The following RPH3A variants were observed in gnomAD, a reference collection of about 807,000 sequenced individuals.
RPH3A encodes the protein rabphilin-3A.
Under a neutral mutation model 102.2 loss-of-function variants are expected in RPH3A, and 48 were observed. The observed-to-expected ratio is 0.47, with a 90% CI of 0.37 to 0.60. The LOEUF (loss-of-function observed/expected upper bound fraction) is 0.60. Among genes scored for constraint, RPH3A ranks in the 20% least tolerant of loss-of-function variants. The pLI is 0.00. For missense variants in RPH3A, 781 were observed against 910.1 expected (o/e 0.86, Z 1.83); for synonymous variants, 310 against 324.3 (o/e 0.96, Z 0.47).
At chr12:112,794,192 C>T (rs1267198972) in intron 2 of RPH3A, among the ~76,000 whole-genome samples, 1 of 152,160 alleles carries the variant, frequency 6.6e-6, no homozygotes, top group Non-Finnish European at 1.5e-5. Context: ...GGTCAGGAGA[C>T]CTGGGTTCCA....
At chr12:112,796,103 G>A (rs2136094396) in intron 2 of RPH3A, among the ~76,000 whole-genome samples, 1 of 152,270 alleles carries the variant, frequency 6.6e-6, no homozygotes, top group Non-Finnish European at 1.5e-5. Context: ...TCTGTGAAAT[G>A]GGCAAAATGA....
chr12:112,875,261 C>A (rs1482196595), intron 11 of RPH3A, 91 bp downstream of exon 11: 3 of 1,000,444 alleles, frequency 3.0e-6, no homozygotes, highest in African/African-American at 3.3e-5. Flanking sequence ...GCATGCTGGG[C>A]TTTCTGCAAA....
chr12:112,831,362 T>C (rs2136158592), intron 3 of RPH3A, among the ~76,000 whole-genome samples: 1 of 152,246 alleles, frequency 6.6e-6, no homozygotes, highest in African/African-American at 2.4e-5. Flanking sequence ...ATCCTTAAAG[T>C]GTTACTATTC....
In RPH3A at chr12:112,663,544, A is replaced by G. The variant is rs530164597; in HGVS notation, c.-140+88225A>G. On this transcript the variant is annotated intron_variant, in intron 1 of 21. Coordinates refer to the RPH3A transcript ENST00000543106. Reference sequence around the variant, plus strand: ...CTTATTATTATTATTTTTTATAGAGACAGCGTCTCACTATGTTGTTCTGGC... The same window carrying G: ...CTTATTATTATTATTTTTTATAGAGGCAGCGTCTCACTATGTTGTTCTGGC... Among the ~76,000 whole-genome samples the G allele has an allele frequency of 2.6e-4, 40 of 152,086 alleles. No homozygotes were observed. The South Asian group carries it at 3.7e-3, about 14-fold the overall frequency.
At chr12:112,790,207 C>A (rs1256056046), upstream of RPH3A, among the ~76,000 whole-genome samples, 1 of 152,066 alleles carries the variant, frequency 6.6e-6, no homozygotes, top group African/African-American at 2.4e-5. Flanking sequence ...CAGGTGCACA[C>A]CACCATGCCC....
intron 1 of RPH3A, among the ~76,000 whole-genome samples, chr12:112,599,658 A>G (rs1305841117): frequency 6.6e-6 from 1 of 152,252 alleles, no homozygotes; most frequent in Admixed American, 6.5e-5. Context: ...TTTGGGACTT[A>G]AAAATTTTAA....
chr12:112,718,274 A>T (rs541093927), intron 1 of RPH3A, among the ~76,000 whole-genome samples: 2 of 152,250 alleles, frequency 1.3e-5, no homozygotes, highest in South Asian at 4.1e-4. Context: ...CTCAGGTTGC[A>T]TTAAGTTAAA....
intron 4 of RPH3A, among the ~76,000 whole-genome samples, chr12:112,846,468 C>A (rs2042230139): frequency 6.6e-6 from 1 of 152,224 alleles, no homozygotes; most frequent in African/African-American, 2.4e-5. Context: ...CCTTCAAACT[C>A]TTCCTTCTCT....
rs561283397 is a variant in RPH3A at position 112,581,755 on chromosome 12, C to G, written c.-140+6436C>G. Among the ~76,000 whole-genome samples the G allele has an allele frequency of 6.1e-5, 9 of 148,134 alleles. 2 individuals are homozygous for G. Among genetic ancestry groups the G allele is most frequent in the African/African-American group, 2.2e-4 (9 of 40,026 alleles). ...TAGTTTTCCTTCCCTCTATACCATG[C>G]CTTGGTTAGTAATCTGTTGTGCTTG... is the stretch of plus-strand genomic sequence containing the variant. On this transcript the variant is annotated intron_variant, in intron 1 of 21. Coordinates refer to the RPH3A transcript ENST00000543106.
chr12:112,827,587 A>G (rs2041899703), intron 2 of RPH3A, among the ~76,000 whole-genome samples: 1 of 152,208 alleles, frequency 6.6e-6, no homozygotes, highest in African/African-American at 2.4e-5. Flanking sequence ...TTGGATCAGC[A>G]TAGTAGCAAT....
chr12:112,617,436 C>A (rs2135978120), intron 1 of RPH3A, among the ~76,000 whole-genome samples: 1 of 152,308 alleles, frequency 6.6e-6, no homozygotes, highest in Non-Finnish European at 1.5e-5. Context: ...GTGGGCATAG[C>A]TGAGCTCATT....
intron 2 of RPH3A, among the ~76,000 whole-genome samples, chr12:112,804,074 C>T (rs566494634): frequency 2.4e-4 from 37 of 152,250 alleles, no homozygotes; most frequent in African/African-American, 7.9e-4. Context: ...AGTTTTGTTT[C>T]GCAATAACTT....
chr12:112,703,311 C>T (rs888519349), intron 1 of RPH3A, among the ~76,000 whole-genome samples: 2 of 152,142 alleles, frequency 1.3e-5, no homozygotes, highest in Non-Finnish European at 2.9e-5. Context: ...ATAAATGATA[C>T]AGAGGATGAA....
chr12:112,645,277 A>T (rs1466828682), intron 1 of RPH3A, among the ~76,000 whole-genome samples: 1 of 152,152 alleles, frequency 6.6e-6, no homozygotes. Context: ...CAACATCATT[A>T]TGTATGAGTT....
Position 112,897,013 on chromosome 12 carries a change from A to G in RPH3A, c.*233A>G. ...CCCTCTCTCATCCCTGGGATGGAGC[A>G]ATGGGGATGGGGTTGGGGAGACGTT... On this transcript the variant is annotated 3_prime_UTR_variant, in exon 22 of 22. Transcript: ENST00000389385. 2 of 513,982 alleles carry G rather than the reference A, an allele frequency of 3.9e-6. No individual in the cohort carries two copies. The highest frequency in any genetic ancestry group is 5.0e-5 in the South Asian group (2 of 39,826). 31.8% of individuals were successfully genotyped at this position (513,982 alleles called of 1,614,324 possible).
At chr12:112,609,621 T>C (rs2039622924) in intron 1 of RPH3A, among the ~76,000 whole-genome samples, 1 of 152,230 alleles carries the variant, frequency 6.6e-6, no homozygotes, top group African/African-American at 2.4e-5. Context: ...CCTTCTAGCA[T>C]TGATGACAGA....
intron 1 of RPH3A, among the ~76,000 whole-genome samples, chr12:112,579,725 C>A (rs771278879): frequency 7.2e-5 from 11 of 152,090 alleles, no homozygotes; most frequent in Non-Finnish European, 1.2e-4. Context: ...TGTTTCTTTT[C>A]TATCTTCTTT....
chr12:112,706,892 C>T (rs2040430616), intron 1 of RPH3A, among the ~76,000 whole-genome samples: 1 of 152,104 alleles, frequency 6.6e-6, no homozygotes, highest in South Asian at 2.1e-4. Flanking sequence ...ACACAACTTA[C>T]AGAGGACAAG....
intron 1 of RPH3A, among the ~76,000 whole-genome samples, chr12:112,604,613 G>T (rs957199973): frequency 3.9e-5 from 6 of 152,078 alleles, no homozygotes; most frequent in Admixed American, 6.6e-5. Flanking sequence ...TTACATGTTG[G>T]GTTAATTATA....
Sources: gnomAD v4.1 joint callset for allele counts (sites outside exome capture counted in the v4.1 genomes callset) on GRCh38, gnomAD v4.1.1 for gene constraint, MANE v1.5 for transcripts, NCBI Gene and HGNC (gene_info 2026-07-23, HGNC 2026-07-21) for gene names.